Variants in NBEAL1 observed in about 807,000 individuals in gnomAD.
NBEAL1 encodes the protein neurobeachin like 1.
NBEAL1 carries 273 observed loss-of-function variants against 351.3 expected under a neutral mutation model. The observed-to-expected ratio is 0.78, with a 90% CI of 0.70 to 0.86. The LOEUF (loss-of-function observed/expected upper bound fraction) is 0.86, where lower values mean the gene tolerates loss of function less well. NBEAL1 is among the 40% of genes least tolerant of loss of function. The pLI is 0.00. For missense variants in NBEAL1, 2,961 were observed against 3,201.3 expected (o/e 0.92, Z 1.81); for synonymous variants, 1,050 against 1,086.4 (o/e 0.97, Z 0.66).
chr2:203,205,702 T>G (rs1320404801), intron 51 of NBEAL1, among the ~76,000 whole-genome samples: 1 of 152,242 alleles, frequency 6.6e-6, no homozygotes, highest in African/African-American at 2.4e-5. Flanking sequence ...TTAAGTAAGA[T>G]AGATCTTTTT....
intron 50 of NBEAL1, among the ~76,000 whole-genome samples, chr2:203,202,383 A>G (rs1043360919): frequency 1.3e-5 from 2 of 152,216 alleles, no homozygotes; most frequent in Non-Finnish European, 2.9e-5. Context: ...GCATATGAAA[A>G]TTAACTGGGG....
At chr2:203,092,960 C>T (rs759483263) in intron 10 of NBEAL1, among the ~76,000 whole-genome samples, 1 of 152,026 alleles carries the variant, frequency 6.6e-6, no homozygotes, top group Non-Finnish European at 1.5e-5. Flanking sequence ...CCGCTGGATG[C>T]GGTAGCTCAC....
intron 35 of NBEAL1, among the ~76,000 whole-genome samples, chr2:203,152,815 C>CACCTG: frequency 6.6e-6 from 1 of 151,674 alleles, no homozygotes; most frequent in African/African-American, 2.4e-5. Context: ...GGCAGCAGAT[C>CACCTG]ACCTGAGGTC....
chr2:203,139,814 A>G (rs2063321776), intron 31 of NBEAL1, among the ~76,000 whole-genome samples: 1 of 151,366 alleles, frequency 6.6e-6, no homozygotes, highest in Non-Finnish European at 1.5e-5. Context: ...TGATCTGCCC[A>G]CCTCAGCCTT....
At chr2:203,165,617 G>A (rs2064109080) in intron 36 of NBEAL1, among the ~76,000 whole-genome samples, 2 of 152,132 alleles carry the variant, frequency 1.3e-5, no homozygotes, top group South Asian at 2.1e-4. Flanking sequence ...AGGATGTAAA[G>A]CTTATTTTTA....
At chr2:203,183,454 G>T (rs1387476632) in intron 44 of NBEAL1, 66 bp downstream of exon 44, 1 of 880,878 alleles carries the variant, frequency 1.1e-6, no homozygotes, top group South Asian at 1.7e-5. Context: ...CCAGAGGATG[G>T]GATAATCTGA....
intron 2 of NBEAL1, among the ~76,000 whole-genome samples, chr2:203,020,957 G>A (rs1313773518): frequency 1.3e-5 from 2 of 152,112 alleles, no homozygotes; most frequent in African/African-American, 4.8e-5. Flanking sequence ...GTCTCACTCT[G>A]TGGCCCAAAC....
intron 28 of NBEAL1, 54 bp downstream of exon 28, chr2:203,136,306 C>A: frequency 8.4e-7 from 1 of 1,183,838 alleles, no homozygotes; most frequent in Non-Finnish European, 1.2e-6. Flanking sequence ...CTGATATATA[C>A]TTCTAATCCT....
chr2:203,133,503 C>G (rs895011698), intron 27 of NBEAL1, among the ~76,000 whole-genome samples: 4 of 151,742 alleles, frequency 2.6e-5, no homozygotes, highest in African/African-American at 9.7e-5. Context: ...AAATAATTTT[C>G]TATAATTTGT....
intron 38 of NBEAL1, among the ~76,000 whole-genome samples, chr2:203,168,987 C>G (rs2064232142): frequency 1.3e-5 from 2 of 151,248 alleles, no homozygotes; most frequent in African/African-American, 4.9e-5. Flanking sequence ...ATTTGTATAG[C>G]CCTGAATAAT....
At chr2:203,120,395 T>C (rs1163584436) in intron 18 of NBEAL1, among the ~76,000 whole-genome samples, 2 of 152,224 alleles carry the variant, frequency 1.3e-5, no homozygotes, top group South Asian at 2.1e-4. Flanking sequence ...GTTGGAATAA[T>C]GTACGGAATA....
At chr2:203,135,649 G>GT in intron 27 of NBEAL1, 28 bp from the exon 28 acceptor site, 4 of 1,406,742 alleles carry the variant, frequency 2.8e-6, no homozygotes, top group Non-Finnish European at 3.8e-6. Flanking sequence ...ACTTTTTGAA[G>GT]AATTTTGTAT....
At chr2:203,179,785 C>A (rs2064643697) in intron 42 of NBEAL1, among the ~76,000 whole-genome samples, 1 of 151,804 alleles carries the variant, frequency 6.6e-6, no homozygotes, top group African/African-American at 2.4e-5. Context: ...AGCAAAAATG[C>A]CTTTTTTTTT....
Position 203,133,054 on chromosome 2 carries a change from A to G in NBEAL1, c.3725-4A>G, listed in dbSNP as rs1232843210. 8.6e-6 allele frequency: 12 copies of G among 1,390,386 alleles called. No individual in the cohort carries two copies. In the South Asian group the frequency reaches 1.3e-4, roughly 15 times the overall value. 86.1% of individuals were successfully genotyped at this position (1,390,386 alleles called of 1,614,324 possible). ...ATTTTAACTTTTTGTTTTTCCTACC[A>G]TAGATCCTGTTATTAATTTCAAAGA... On this transcript the variant is annotated splice_region_variant and splice_polypyrimidine_tract_variant and intron_variant, in intron 26 of 55. Transcript: ENST00000683969.
chr2:203,088,506 C>G (rs1189059645), intron 10 of NBEAL1, among the ~76,000 whole-genome samples: 1 of 152,156 alleles, frequency 6.6e-6, no homozygotes, highest in Non-Finnish European at 1.5e-5. Context: ...CACACAGGTA[C>G]CCTCGCTCTG....
At chr2:203,107,289 T>C in intron 12 of NBEAL1, 131 bp from the exon 13 acceptor site, 3 of 493,002 alleles carry the variant, frequency 6.1e-6, no homozygotes, top group Non-Finnish European at 1.1e-5. Context: ...AGGCAAATAG[T>C]GAATTCGTGT....
intron 10 of NBEAL1, among the ~76,000 whole-genome samples, chr2:203,086,513 C>G (rs934744380): frequency 6.6e-6 from 1 of 152,162 alleles, no homozygotes; most frequent in Admixed American, 6.5e-5. Flanking sequence ...TAAAATGGAA[C>G]AGTTCATCCC....
At chr2:203,123,780 A>G (rs1329972606) in intron 19 of NBEAL1, among the ~76,000 whole-genome samples, 2 of 152,216 alleles carry the variant, frequency 1.3e-5, no homozygotes. Context: ...TATATGTACC[A>G]TACATACCTG....
chr2:203,121,576 T>C (rs914695322), intron 18 of NBEAL1, among the ~76,000 whole-genome samples: 2 of 147,740 alleles, frequency 1.4e-5, no homozygotes, highest in Non-Finnish European at 3.0e-5. Context: ...TGCTCGAATC[T>C]GGGAGGCAGA....
Sources: gnomAD v4.1 joint callset for allele counts (sites outside exome capture counted in the v4.1 genomes callset) on GRCh38, gnomAD v4.1.1 for gene constraint, MANE v1.5 for transcripts, NCBI Gene and HGNC (gene_info 2026-07-23, HGNC 2026-07-21) for gene names.